Variants in NOS1AP observed in about 807,000 individuals in gnomAD.
The protein encoded by NOS1AP is carboxyl-terminal PDZ ligand of neuronal nitric oxide synthase protein.
Under a neutral mutation model 56.2 loss-of-function variants are expected in NOS1AP, and 21 were observed. The observed-to-expected ratio is 0.37, with a 90% CI of 0.26 to 0.54. The LOEUF (loss-of-function observed/expected upper bound fraction) is 0.54. Ranked by LOEUF, NOS1AP falls within the 20% of genes least tolerant of loss-of-function variation. The pLI is 0.84. For synonymous variants in NOS1AP, 270 were observed against 274.6 expected (o/e 0.98, Z 0.17); for missense variants, 522 against 657.8 (o/e 0.79, Z 2.26).
In NOS1AP at chr1:162,343,953, A is replaced by G; in HGVS notation, c.572A>G (p.Asn191Ser). 1 of 1,614,142 alleles carries G rather than the reference A, an allele frequency of 6.2e-7. No individual in the cohort carries two copies. Among genetic ancestry groups the G allele is most frequent in the Non-Finnish European group, 8.5e-7 (1 of 1,180,024 alleles). The change falls in exon 6 of 10, where the codon AAC becomes AGC. Residue 191 changes from asparagine to serine, a missense_variant. This residue lies in a region of NOS1AP where 178 missense variants were observed against 165.0 expected (regional missense o/e 1.08). Transcript: ENST00000361897. ...DGQEDGESERNSNSSGDPGRQ... is the reference protein window; with the variant it reads ...DGQEDGESERSSNSSGDPGRQ... Reference sequence around the variant, plus strand: ...CAGGAAGATGGAGAGAGCGAGAGGAACAGCAACAGCTCAGGAGACCCAGGT... The same window carrying G: ...CAGGAAGATGGAGAGAGCGAGAGGAGCAGCAACAGCTCAGGAGACCCAGGT...
intron 2 of NOS1AP, 133 bp from the exon 3 acceptor site, chr1:162,287,211 T>G: frequency 1.5e-6 from 1 of 670,104 alleles, no homozygotes. Flanking sequence ...TCCCCCGAGG[T>G]GCTCCCTGCC....
intron 2 of NOS1AP, among the ~76,000 whole-genome samples, chr1:162,241,193 G>T (rs1653478888): frequency 6.6e-6 from 1 of 152,178 alleles, no homozygotes; most frequent in African/African-American, 2.4e-5. Context: ...AGATGACCAA[G>T]AATTAGCCAG....
intron 2 of NOS1AP, among the ~76,000 whole-genome samples, chr1:162,224,317 T>C (rs943999564): frequency 6.6e-6 from 1 of 152,234 alleles, no homozygotes; most frequent in Non-Finnish European, 1.5e-5. Context: ...AGGATTGAAA[T>C]ATATTCTGGC....
At chr1:162,276,191 A>G (rs1441596984) in intron 2 of NOS1AP, among the ~76,000 whole-genome samples, 1 of 152,194 alleles carries the variant, frequency 6.6e-6, no homozygotes, top group African/African-American at 2.4e-5. Flanking sequence ...GCACTTTGCT[A>G]TGGTGAAAAC....
At chr1:162,199,736 G>A (rs998796063) in intron 2 of NOS1AP, among the ~76,000 whole-genome samples, 1 of 152,052 alleles carries the variant, frequency 6.6e-6, no homozygotes, top group Non-Finnish European at 1.5e-5. Flanking sequence ...CCTGTTCTGG[G>A]ATACAATTTA....
chr1:162,232,103 CT>C lies in NOS1AP; in HGVS notation c.178-55240del, dbSNP rs34668330. Among the ~76,000 whole-genome samples, 547 of 152,290 alleles carry C rather than the reference CT, an allele frequency of 3.6e-3. 13 individuals are homozygous for C. The highest frequency in any genetic ancestry group is 0.027 in the Admixed American group (419 of 15,296). On this transcript the variant is annotated intron_variant, in intron 2 of 9. Coordinates refer to ENST00000361897, the MANE Select transcript of NOS1AP (RefSeq NM_014697.3). ...TGGAGCTTATTAGAAGTCTAGGCCC[CT>C]AAGCTTCAATTTGGTCGCAATTTGA...
intron 4 of NOS1AP, among the ~76,000 whole-genome samples, chr1:162,324,349 G>T (rs1166816689): frequency 6.6e-6 from 1 of 150,590 alleles, no homozygotes; most frequent in Non-Finnish European, 1.5e-5. Flanking sequence ...ATGAGTGTTG[G>T]AGAGAAATTA....
At chr1:162,176,829 A>G (rs1373793680) in intron 2 of NOS1AP, among the ~76,000 whole-genome samples, 3 of 152,182 alleles carry the variant, frequency 2.0e-5, no homozygotes, top group African/African-American at 7.2e-5. Context: ...ACAGTATTCC[A>G]TAATATGAAT....
chr1:162,263,311 C>T (rs1455894980), intron 2 of NOS1AP, among the ~76,000 whole-genome samples: 2 of 152,190 alleles, frequency 1.3e-5, no homozygotes, highest in African/African-American at 4.8e-5. Flanking sequence ...TGGCAAAGCC[C>T]TTTATGCTGT....
chr1:162,240,244 A>AGC (rs373369196), intron 2 of NOS1AP, among the ~76,000 whole-genome samples: 4 of 141,220 alleles, frequency 2.8e-5, no homozygotes, highest in African/African-American at 1.1e-4. Flanking sequence ...CTGTGTGGCC[A>AGC]GTGTGTGTGT....
chr1:162,305,250 T>G (rs1035922042), intron 4 of NOS1AP, among the ~76,000 whole-genome samples: 1 of 152,150 alleles, frequency 6.6e-6, no homozygotes, highest in African/African-American at 2.4e-5. Context: ...AACTTTTTTA[T>G]CACTCCAAAC....
At chr1:162,287,024 G>A (rs1458074099) in intron 2 of NOS1AP, among the ~76,000 whole-genome samples, 2 of 152,280 alleles carry the variant, frequency 1.3e-5, no homozygotes, top group Admixed American at 6.5e-5. Flanking sequence ...GACCGTGGAA[G>A]TCATTAAATG....
At position 162,343,851 on chromosome 1, in the gene NOS1AP, T is replaced by G; in HGVS notation, c.470T>G (p.Ile157Ser). The G allele has an allele frequency of 6.2e-7, 1 of 1,614,154 alleles. No homozygotes were observed. The highest frequency in any genetic ancestry group is 8.5e-7 in the Non-Finnish European group (1 of 1,180,022). ...CCTTCCCAGAGCCAAGCTATGAGAA[T>G]CGTTCGGACGGTGGGGCAGGCCTTT... ...KSKKKSQAMR[I>S]VRTVGQAFEV... is the part of the protein sequence containing the mutation. The change falls in exon 6 of 10, where the codon ATC (isoleucine) becomes AGC (serine). Residue 157 changes from isoleucine to serine, a missense_variant. Around this residue, in one of 4 missense-constraint regions of NOS1AP, gnomAD observed 132 missense variants for 218.1 expected, o/e 0.61. Transcript: ENST00000361897.
intron 4 of NOS1AP, among the ~76,000 whole-genome samples, chr1:162,322,917 A>C (rs952542217): frequency 6.6e-6 from 1 of 152,232 alleles, no homozygotes; most frequent in African/African-American, 2.4e-5. Context: ...TTAATCAGGC[A>C]GATGGTGCAG....
chr1:162,343,903 G>A lies in NOS1AP; in HGVS notation c.522G>A (p.Gln174=). ...AFEVCHKLSL[Q]HTQQNADGQE... is the part of the protein sequence containing the mutation. ...AGGTCTGCCACAAGCTGAGCCTGCAGCACACGCAGCAGAATGCAGATGGCC... is the reference window on the plus strand; with the variant it reads ...AGGTCTGCCACAAGCTGAGCCTGCAACACACGCAGCAGAATGCAGATGGCC... Residue 174 remains glutamine (Q), a synonymous_variant, in exon 6 of 10, where the codon CAG becomes CAA. Coordinates refer to ENST00000361897, the MANE Select transcript of NOS1AP (RefSeq NM_014697.3). 1 of 1,614,152 alleles carries A rather than the reference G, an allele frequency of 6.2e-7. No individual in the cohort carries two copies. The highest frequency in any genetic ancestry group is 8.5e-7 in the Non-Finnish European group (1 of 1,180,030).
intron 1 of NOS1AP, among the ~76,000 whole-genome samples, chr1:162,109,285 T>C (rs1263849595): frequency 6.6e-6 from 1 of 152,216 alleles, no homozygotes; most frequent in Non-Finnish European, 1.5e-5. Flanking sequence ...GATAACAAAG[T>C]GTTTAACAAT....
chr1:162,156,439 C>T (rs906261090), intron 2 of NOS1AP, among the ~76,000 whole-genome samples: 1 of 152,134 alleles, frequency 6.6e-6, no homozygotes, highest in African/African-American at 2.4e-5. Context: ...TCTTTTCCTT[C>T]ACCTTCTAGC....
intron 1 of NOS1AP, among the ~76,000 whole-genome samples, chr1:162,123,773 C>T (rs1192068673): frequency 6.6e-6 from 1 of 152,124 alleles, no homozygotes; most frequent in Non-Finnish European, 1.5e-5. Context: ...TCATTGATCC[C>T]TTCATCTATC....
At chr1:162,139,047 A>G (rs1649120238) in intron 1 of NOS1AP, among the ~76,000 whole-genome samples, 1 of 152,150 alleles carries the variant, frequency 6.6e-6, no homozygotes, top group African/African-American at 2.4e-5. Flanking sequence ...AACAAACCTC[A>G]TAATAGGTAA....
Sources: gnomAD v4.1 joint callset for allele counts (sites outside exome capture counted in the v4.1 genomes callset) on GRCh38, gnomAD v4.1.1 for gene constraint, gnomAD v4.1.1 regional missense constraint, MANE v1.5 for transcripts, NCBI Gene and HGNC (gene_info 2026-07-23, HGNC 2026-07-21) for gene names.